Variants in TYW1 observed in about 807,000 individuals in gnomAD.
TYW1 encodes the protein tRNA-yW synthesizing protein 1 homolog, also known as S-adenosyl-L-methionine-dependent tRNA 4-demethylwyosine synthase TYW1.
A neutral mutation model predicts 96.2 loss-of-function variants in TYW1; 46 were observed. That is an observed-to-expected ratio of 0.48 (90% CI 0.38 to 0.61). The LOEUF (loss-of-function observed/expected upper bound fraction) is 0.61. Ranked by LOEUF, TYW1 falls within the 20% of genes least tolerant of loss-of-function variation. The pLI is 0.00. For missense variants in TYW1, 684 were observed against 909.6 expected, an observed-to-expected ratio of 0.75 and a Z score of 3.19; for synonymous variants, 274 against 323.0, an observed-to-expected ratio of 0.85 and a Z score of 1.63.
intron 15 of TYW1, among the ~76,000 whole-genome samples, chr7:67,201,506 G>A (rs1800597698): frequency 6.7e-6 from 1 of 150,190 alleles, no homozygotes; most frequent in East Asian, 1.9e-4. Context: ...GCAGGTTCAG[G>A]CATGACTCCC....
At chr7:67,201,127 C>T (rs1800585008) in intron 15 of TYW1, among the ~76,000 whole-genome samples, 1 of 151,660 alleles carries the variant, frequency 6.6e-6, no homozygotes. Context: ...GGCAGCATTA[C>T]AGGGGATGGA....
At chr7:67,190,861 G>A (rs557376959) in intron 14 of TYW1, among the ~76,000 whole-genome samples, 12 of 152,192 alleles carry the variant, frequency 7.9e-5, no homozygotes, top group Non-Finnish European at 1.8e-4. Flanking sequence ...TTGACACCCA[G>A]TTGGTTTAAT....
At position 67,115,240 on chromosome 7, in the gene TYW1, CT is replaced by C. The variant is rs61078524; in HGVS notation, c.1563-2224del. ...GCCAGCAGTAACCATTAAGACAGTC[CT>C]TTTTTTTTTTTTTTTTTTAAATAGA... On this transcript the variant is annotated intron_variant, in intron 12 of 15. Coordinates refer to ENST00000359626, the MANE Select transcript of TYW1 (RefSeq NM_018264.4). Among the ~76,000 whole-genome samples, 893 of 134,870 alleles carry C rather than the reference CT, an allele frequency of 6.6e-3. 8 individuals carry two copies. The highest frequency in any genetic ancestry group is 0.016 in the African/African-American group (585 of 37,438). The allele number at this position is 134,870 out of a possible 152,430, so 88.5% of individuals were successfully genotyped here. A position where few individuals can be genotyped will look rare whatever the true frequency, so the allele number is the denominator to read the frequency against.
intron 7 of TYW1, among the ~76,000 whole-genome samples, chr7:67,045,163 G>A (rs1795147807): frequency 6.6e-6 from 1 of 152,034 alleles, no homozygotes; most frequent in African/African-American, 2.4e-5. Flanking sequence ...TGGTTTCTGG[G>A]ATGATGGTAT....
chr7:67,031,192 C>CAAAAAAAA (rs60531853), intron 7 of TYW1, among the ~76,000 whole-genome samples: 11 of 107,798 alleles, frequency 1.0e-4, no homozygotes, highest in East Asian at 3.0e-4. Flanking sequence ...GACTCCATCT[C>CAAAAAAAA]AAAAAAAAAA....
rs1388111034 is a variant in TYW1, at chr7:67,107,389, TG to T, written c.1562+8672del. ...AAGTTTAAAATCTAATTTTCTCTCC[TG>T]TCTTTGAGTTCATGGAATATTTTTC... On this transcript the variant is annotated intron_variant, in intron 12 of 15. Coordinates refer to ENST00000359626, the MANE Select transcript of TYW1 (RefSeq NM_018264.4). Among the ~76,000 whole-genome samples, 8 of 152,304 alleles carry T rather than the reference TG, an allele frequency of 5.3e-5. No individual in the cohort carries two copies. In the East Asian group the frequency reaches 1.5e-3, roughly 29 times the overall value.
chr7:67,166,539 T>C (rs111811658), intron 13 of TYW1, among the ~76,000 whole-genome samples: 2 of 79,772 alleles, frequency 2.5e-5, no homozygotes, highest in African/African-American at 1.4e-4. Flanking sequence ...CATCAGCCCC[T>C]CCCCTCTCTA....
At chr7:67,034,228 C>T (rs904608522) in intron 7 of TYW1, among the ~76,000 whole-genome samples, 2 of 151,766 alleles carry the variant, frequency 1.3e-5, no homozygotes, top group African/African-American at 4.8e-5. Context: ...CTCAGCCTCC[C>T]GAGTAGCTGG....
At chr7:67,072,934 GTTTTTTTTTT>G (rs529812538) in intron 10 of TYW1, among the ~76,000 whole-genome samples, 11 of 71,262 alleles carry the variant, frequency 1.5e-4, no homozygotes, top group South Asian at 1.1e-3. Flanking sequence ...TGCCTATCCA[GTTTTTTTTTT>G]TTTTTTTTTT....
In TYW1 at chr7:66,996,899, T is replaced by G. The variant is rs1793182762; in HGVS notation, c.-80T>G. On this transcript the variant is annotated 5_prime_UTR_variant, in exon 1 of 16. Coordinates refer to ENST00000359626, the MANE Select transcript of TYW1 (RefSeq NM_018264.4). ...TACGCCGCTAACGCGGCGAGGTAGC[T>G]CGGTGCGTCTCGCGGTACCAGTGCG... 9 of 1,607,950 alleles carry G rather than the reference T, an allele frequency of 5.6e-6. No individual in the cohort carries two copies. The highest frequency in any genetic ancestry group is 1.3e-5 in the African/African-American group (1 of 74,864).
chr7:67,209,152 G>C (rs1296866128), intron 15 of TYW1, among the ~76,000 whole-genome samples: 1 of 152,138 alleles, frequency 6.6e-6, no homozygotes, highest in Non-Finnish European at 1.5e-5. Context: ...CAATGACCTT[G>C]GCTTTGAGCA....
chr7:67,131,635 T>C (rs188114058), intron 13 of TYW1, among the ~76,000 whole-genome samples: 1 of 152,272 alleles, frequency 6.6e-6, no homozygotes, highest in Non-Finnish European at 1.5e-5. Flanking sequence ...GATGTACATA[T>C]GAAGGGGAGT....
chr7:66,998,538 T>C (rs940977728), intron 2 of TYW1, among the ~76,000 whole-genome samples: 1 of 152,194 alleles, frequency 6.6e-6, no homozygotes, highest in African/African-American at 2.4e-5. Flanking sequence ...CCTACTATTA[T>C]TCTACTAAAA....
intron 15 of TYW1, among the ~76,000 whole-genome samples, chr7:67,197,952 T>TCCCCCCCCCC (rs1563067011): frequency 9.5e-5 from 12 of 125,972 alleles, no homozygotes; most frequent in Admixed American, 1.8e-4. Flanking sequence ...CTCCCTTCCC[T>TCCCCCCCCCC]ACCCCTGCCC....
chr7:67,195,249 T>G lies in TYW1; in HGVS notation c.1889T>G (p.Phe630Cys). 1 of 1,605,486 alleles carries G rather than the reference T, an allele frequency of 6.2e-7. No individual in the cohort carries two copies. Among genetic ancestry groups the G allele is most frequent in the Non-Finnish European group, 8.5e-7 (1 of 1,174,110 alleles). ...CCCTGGCATGAGGAAGTGGTACAGTTTGTCCACGAGTTGGTGGATCTGATC... is the reference window on the plus strand; with the variant it reads ...CCCTGGCATGAGGAAGTGGTACAGTGTGTCCACGAGTTGGTGGATCTGATC... ...HVPWHEEVVQ[F>C]VHELVDLIPE... Residue 630 changes from phenylalanine to cysteine, a missense_variant, in exon 15 of 16, where the codon TTT (phenylalanine) becomes TGT (cysteine). Coordinates refer to ENST00000359626, the MANE Select transcript of TYW1 (RefSeq NM_018264.4).
At chr7:67,007,749 C>T (rs1397274686) in intron 3 of TYW1, among the ~76,000 whole-genome samples, 2 of 152,108 alleles carry the variant, frequency 1.3e-5, no homozygotes, top group Non-Finnish European at 2.9e-5. Context: ...GTTCTCCTCC[C>T]TCAGCCTCCC....
At chr7:67,220,489 C>T (rs1048345039) in intron 15 of TYW1, among the ~76,000 whole-genome samples, 7 of 152,090 alleles carry the variant, frequency 4.6e-5, no homozygotes, top group Non-Finnish European at 8.8e-5. Flanking sequence ...AGGCCTAAGC[C>T]ACCACGCCTG....
At chr7:67,005,084 A>G (rs1419902121) in intron 3 of TYW1, among the ~76,000 whole-genome samples, 4 of 152,082 alleles carry the variant, frequency 2.6e-5, no homozygotes, top group Non-Finnish European at 5.9e-5. Context: ...AGAATGCTCA[A>G]TATAGGCCCC....
chr7:67,098,263 A>T (rs1796981915), intron 11 of TYW1, among the ~76,000 whole-genome samples: 1 of 152,238 alleles, frequency 6.6e-6, no homozygotes, highest in Non-Finnish European at 1.5e-5. Flanking sequence ...AATTATGCAA[A>T]GGGACTTATT....
Sources: gnomAD v4.1 joint callset for allele counts (sites outside exome capture counted in the v4.1 genomes callset) on GRCh38, gnomAD v4.1.1 for gene constraint, MANE v1.5 for transcripts, NCBI Gene and HGNC (gene_info 2026-07-23, HGNC 2026-07-21) for gene names.